MARCHF1: variants seen among roughly 807,000 people sequenced by gnomAD.
MARCHF1 encodes membrane associated ring-CH-type finger 1, also known as E3 ubiquitin-protein ligase MARCHF1.
In MARCHF1, 40 loss-of-function variants were observed where a neutral mutation model predicts 54.2. The observed-to-expected ratio is 0.74, with a 90% CI of 0.57 to 0.96. MARCHF1 has a LOEUF of 0.96. Among genes scored for constraint, MARCHF1 ranks in the 40% least tolerant of loss-of-function variants. The pLI, the probability that MARCHF1 is intolerant of heterozygous loss-of-function variation, is 0.00. For missense variants in MARCHF1, 586 were observed against 656.5 expected (o/e 0.89, Z 1.17); for synonymous variants, 236 against 236.3 (o/e 1.00, Z 0.01).
rs1351991081 is a variant in MARCHF1, at chr4:163,525,470, T to TTAGATTTTGTTCATTTTTA, written c.*3259_*3277dup. 1 of 152,164 alleles carries TTAGATTTTGTTCATTTTTA rather than the reference T, an allele frequency of 6.6e-6. No individual in the cohort carries two copies. The highest frequency in any genetic ancestry group is 6.6e-5 in the Admixed American group (1 of 15,250). 9.4% of individuals were successfully genotyped at this position (152,164 alleles called of 1,614,324 possible). A position where few individuals can be genotyped will look rare whatever the true frequency, so the allele number is the denominator to read the frequency against. On this transcript the variant is annotated 3_prime_UTR_variant, in exon 10 of 10. Coordinates refer to ENST00000514618, the MANE Select transcript of MARCHF1 (RefSeq NM_001394959.1). ...CTCAGGTTGTTGGGCTCACTTTAGTTTAGATTTTGTTCATTTTTATTTTGT... is the reference window on the plus strand; with the variant it reads ...CTCAGGTTGTTGGGCTCACTTTAGTTTAGATTTTGTTCATTTTTATAGATTTTGTTCATTTTTATTTTGT...
chr4:164,272,338 T>C (rs1396276134), intron 1 of MARCHF1, among the ~76,000 whole-genome samples: 1 of 152,084 alleles, frequency 6.6e-6, no homozygotes, highest in African/African-American at 2.4e-5. Flanking sequence ...ACATTGTTTG[T>C]TATATCAAAA....
intron 4 of MARCHF1, among the ~76,000 whole-genome samples, chr4:163,776,866 T>C (rs1747321905): frequency 6.6e-6 from 1 of 152,216 alleles, no homozygotes; most frequent in Non-Finnish European, 1.5e-5. Flanking sequence ...AATATTCAAA[T>C]TAACATGTAG....
chr4:164,319,837 C>T (rs762197879), intron 1 of MARCHF1, among the ~76,000 whole-genome samples: 4 of 151,900 alleles, frequency 2.6e-5, no homozygotes, highest in Admixed American at 6.6e-5. Flanking sequence ...AACAGCAAAG[C>T]AATATGCAAA....
At chr4:164,059,901 C>G (rs576868587) in intron 2 of MARCHF1, among the ~76,000 whole-genome samples, 307 of 152,000 alleles carry the variant, frequency 2.0e-3, no homozygotes, top group African/African-American at 7.2e-3. Context: ...TTTTGCAAAC[C>G]ATTTGTAGTT....
intron 4 of MARCHF1, among the ~76,000 whole-genome samples, chr4:163,825,185 C>T (rs1461161325): frequency 1.3e-5 from 2 of 152,026 alleles, no homozygotes; most frequent in Non-Finnish European, 2.9e-5. Context: ...TAAGTGAGAA[C>T]ATGCTGCGTT....
chr4:164,365,661 A>G (rs1418173853), intron 1 of MARCHF1, among the ~76,000 whole-genome samples: 2 of 152,026 alleles, frequency 1.3e-5, no homozygotes, highest in Admixed American at 1.3e-4. Context: ...TACTTTACCA[A>G]TGAGAAATTT....
At chr4:164,039,847 C>A (rs1435057212) in intron 2 of MARCHF1, among the ~76,000 whole-genome samples, 4 of 151,560 alleles carry the variant, frequency 2.6e-5, no homozygotes, top group African/African-American at 9.7e-5. Context: ...TTTTAGCATG[C>A]TGAGTACTTA....
chr4:164,098,584 G>A (rs563477267), intron 2 of MARCHF1, among the ~76,000 whole-genome samples: 3 of 152,192 alleles, frequency 2.0e-5, no homozygotes, highest in Non-Finnish European at 4.4e-5. Flanking sequence ...TAAAAACTCT[G>A]TGTGATTTGT....
At chr4:164,117,627 C>T (rs1037955697) in intron 1 of MARCHF1, among the ~76,000 whole-genome samples, 2 of 151,790 alleles carry the variant, frequency 1.3e-5, no homozygotes, top group African/African-American at 4.9e-5. Flanking sequence ...AAGCTGGGCA[C>T]GGTGGCTCAC....
intron 3 of MARCHF1, among the ~76,000 whole-genome samples, chr4:163,969,656 C>T (rs553511791): frequency 1.5e-4 from 23 of 152,208 alleles, no homozygotes; most frequent in African/African-American, 3.9e-4. Flanking sequence ...TCAAAATAAA[C>T]GACATGAAAC....
chr4:163,712,168 T>A (rs1379091291), intron 4 of MARCHF1, among the ~76,000 whole-genome samples: 2 of 152,190 alleles, frequency 1.3e-5, no homozygotes, highest in African/African-American at 4.8e-5. Context: ...TTTTCATTAG[T>A]GTTTTTCATC....
intron 2 of MARCHF1, among the ~76,000 whole-genome samples, chr4:164,015,167 A>AT (rs1376102828): frequency 6.6e-6 from 1 of 152,124 alleles, no homozygotes; most frequent in East Asian, 1.9e-4. Flanking sequence ...TGGTTATCTC[A>AT]TTTTTTGACA....
chr4:164,094,965 C>CA (rs1217720693), intron 2 of MARCHF1, among the ~76,000 whole-genome samples: 2 of 152,050 alleles, frequency 1.3e-5, no homozygotes, highest in African/African-American at 4.8e-5. Context: ...AAATACCATC[C>CA]AAAAACCCAT....
At chr4:163,748,927 T>C (rs557884583) in intron 4 of MARCHF1, among the ~76,000 whole-genome samples, 7 of 152,252 alleles carry the variant, frequency 4.6e-5, no homozygotes, top group Non-Finnish European at 1.0e-4. Context: ...CATCTCTTTG[T>C]AAGGAAATGC....
At chr4:163,590,754 A>G (rs1488902497) in intron 7 of MARCHF1, among the ~76,000 whole-genome samples, 4 of 152,016 alleles carry the variant, frequency 2.6e-5, no homozygotes, top group African/African-American at 7.2e-5. Flanking sequence ...CTGTGCCAAG[A>G]TCTTGATTCC....
At chr4:164,194,084 A>G (rs1731190616) in intron 1 of MARCHF1, among the ~76,000 whole-genome samples, 1 of 152,176 alleles carries the variant, frequency 6.6e-6, no homozygotes, top group Non-Finnish European at 1.5e-5. Context: ...ATATCAGGAA[A>G]CTGAGGTAGA....
At chr4:164,232,876 C>A (rs1051259972) in intron 1 of MARCHF1, among the ~76,000 whole-genome samples, 1 of 152,154 alleles carries the variant, frequency 6.6e-6, no homozygotes, top group African/African-American at 2.4e-5. Context: ...AACCTATAGA[C>A]ACGTGCTGTA....
At chr4:163,828,054 C>CACACACAGAG (rs774603753) in intron 4 of MARCHF1, among the ~76,000 whole-genome samples, 16,194 of 148,102 alleles carry the variant, frequency 0.11, 1,075 homozygotes, top group South Asian at 0.14. Flanking sequence ...CACACACACA[C>CACACACAGAG]AGACACACCT....
intron 1 of MARCHF1, among the ~76,000 whole-genome samples, chr4:164,215,990 G>C (rs1310969784): frequency 6.6e-6 from 1 of 152,196 alleles, no homozygotes; most frequent in Non-Finnish European, 1.5e-5. Flanking sequence ...TATTATTTCT[G>C]TATTTAATTA....
Sources: allele counts gnomAD v4.1 joint callset (sites outside exome capture counted in the v4.1 genomes callset), GRCh38; gene constraint gnomAD v4.1.1; transcripts MANE v1.5; gene names NCBI Gene and HGNC (gene_info 2026-07-23, HGNC 2026-07-21).